The following APBA2 variants were observed in gnomAD, a reference collection of about 807,000 sequenced individuals.
APBA2 encodes amyloid beta precursor protein binding family A member 2, also known as amyloid-beta A4 precursor protein-binding family A member 2.
Under a neutral mutation model 75.0 loss-of-function variants are expected in APBA2, and 30 were observed. The ratio of observed to expected loss-of-function variants is 0.40; its 90% confidence interval spans 0.30 to 0.54. APBA2 has a LOEUF of 0.54. Among genes scored for constraint, APBA2 ranks in the 20% least tolerant of loss-of-function variants. The pLI is 0.49. For synonymous variants in APBA2, 444 were observed against 409.6 expected, an observed-to-expected ratio of 1.08 and a Z score of -1.01; for missense variants, 801 against 1,016.1, an observed-to-expected ratio of 0.79 and a Z score of 2.88.
At chr15:29,030,578 T>A (rs1426905250) in intron 3 of APBA2, among the ~76,000 whole-genome samples, 1 of 152,192 alleles carries the variant, frequency 6.6e-6, no homozygotes, top group African/African-American at 2.4e-5. Context: ...TGGGAGGCAA[T>A]GAATTGATAA....
intron 2 of APBA2, among the ~76,000 whole-genome samples, chr15:28,949,818 A>G (rs2035754221): frequency 6.6e-6 from 1 of 152,156 alleles, no homozygotes; most frequent in African/African-American, 2.4e-5. Flanking sequence ...TTAAAGTTAT[A>G]AAAAAGTTGC....
chr15:29,012,408 G>T (rs758598082), intron 3 of APBA2, among the ~76,000 whole-genome samples: 1 of 152,126 alleles, frequency 6.6e-6, no homozygotes, highest in African/African-American at 2.4e-5. Context: ...TGGGGCAGAA[G>T]ATCCCATCTG....
intron 3 of APBA2, among the ~76,000 whole-genome samples, chr15:29,009,494 G>A (rs986394371): frequency 1.3e-5 from 2 of 152,062 alleles, no homozygotes; most frequent in African/African-American, 4.8e-5. Context: ...ACACATCCAT[G>A]AAACTACCAT....
chr15:29,043,399 G>T (rs1033877612), intron 3 of APBA2, among the ~76,000 whole-genome samples: 10 of 152,114 alleles, frequency 6.6e-5, no homozygotes, highest in African/African-American at 2.4e-4. Context: ...CCTTCCCACC[G>T]CAGAAATGTC....
chr15:28,893,931 C>T (rs1468133946), intron 1 of APBA2: 2 of 152,224 alleles, frequency 1.3e-5, no homozygotes, highest in African/African-American at 4.8e-5. Flanking sequence ...ATTTGATACA[C>T]CTAGAGGCAG....
chr15:29,076,045 T>A lies in APBA2; in HGVS notation c.1033-10T>A. ...TGTTATGTGTTTTATTTTTCCATATTTCCTAACAGACAAAGAAGGTGGCAT... is the reference window on the plus strand; with the variant it reads ...TGTTATGTGTTTTATTTTTCCATATATCCTAACAGACAAAGAAGGTGGCAT... On this transcript the variant is annotated splice_polypyrimidine_tract_variant and intron_variant, in intron 5 of 14. Coordinates refer to ENST00000683413, the MANE Select transcript of APBA2 (RefSeq NM_001353788.2). 6.2e-7 allele frequency: 1 copy of A among 1,613,934 alleles called. No homozygotes were observed. Among genetic ancestry groups the A allele is most frequent in the South Asian group, 1.1e-5 (1 of 91,076 alleles).
chr15:29,028,496 AT>A (rs2040335635), intron 3 of APBA2, among the ~76,000 whole-genome samples: 1 of 152,210 alleles, frequency 6.6e-6, no homozygotes, highest in African/African-American at 2.4e-5. Flanking sequence ...TAACAGAATG[AT>A]TTATTTTCCT....
chr15:28,902,375 A>G (rs150386952), intron 1 of APBA2, among the ~76,000 whole-genome samples: 1,694 of 152,244 alleles, frequency 0.011, 43 homozygotes, highest in African/African-American at 0.039. Flanking sequence ...TACCTTGCCA[A>G]TGCTCTTCAA....
Position 29,008,083 on chromosome 15 carries a change from G to T in APBA2, c.-41+12277G>T, listed in dbSNP as rs570853990. Among the ~76,000 whole-genome samples, 8 of 152,296 alleles carry T rather than the reference G, an allele frequency of 5.3e-5. No individual in the cohort carries two copies. The South Asian group carries it at 1.7e-3, about 32-fold the overall frequency. Reference sequence around the variant, plus strand: ...GAAATTCTGACACATGCTATAACATGGATGAACCTTGAACCTTGAGGTCAT... The same window carrying T: ...GAAATTCTGACACATGCTATAACATTGATGAACCTTGAACCTTGAGGTCAT... On this transcript the variant is annotated intron_variant, in intron 3 of 14. Transcript: ENST00000683413.
intron 3 of APBA2, among the ~76,000 whole-genome samples, chr15:29,023,516 C>T (rs146559689): frequency 0.015 from 1,769 of 119,474 alleles, 44 homozygotes; most frequent in African/African-American, 0.055. Context: ...AGTGTAGTGG[C>T]GCGATCTTGG....
At chr15:29,089,701 G>C (rs1490330353) in intron 6 of APBA2, among the ~76,000 whole-genome samples, 1 of 152,188 alleles carries the variant, frequency 6.6e-6, no homozygotes. Flanking sequence ...GTTTCAAACA[G>C]AGGCTTCCTC....
At chr15:28,987,212 A>G (rs1231895373) in intron 2 of APBA2, among the ~76,000 whole-genome samples, 1 of 152,256 alleles carries the variant, frequency 6.6e-6, no homozygotes, top group African/African-American at 2.4e-5. Context: ...TGCTAAAGGT[A>G]GAGAATACTA....
At chr15:28,964,347 A>G (rs1162335635) in intron 2 of APBA2, among the ~76,000 whole-genome samples, 3 of 152,004 alleles carry the variant, frequency 2.0e-5, no homozygotes, top group African/African-American at 7.3e-5. Context: ...TATTTTAGCT[A>G]TTCTCATAGG....
At chr15:28,921,474 C>CTTGGAG (rs1391758600) in intron 1 of APBA2, among the ~76,000 whole-genome samples, 166 bp from the exon 2 acceptor site, 1 of 152,176 alleles carries the variant, frequency 6.6e-6, no homozygotes, top group Non-Finnish European at 1.5e-5. Flanking sequence ...TCTGGAGAGC[C>CTTGGAG]TTGGAGTTCC....
intron 3 of APBA2, among the ~76,000 whole-genome samples, chr15:29,013,234 G>A (rs16954991): frequency 0.079 from 11,602 of 147,752 alleles, 636 homozygotes; most frequent in East Asian, 0.16. Context: ...ACTATCCTGA[G>A]TAACGAAGAT....
rs114240882 is a variant in APBA2 at position 28,996,934 on chromosome 15, A to C, written c.-41+1128A>C. On this transcript the variant is annotated intron_variant, in intron 3 of 14. Transcript: ENST00000683413. Reference sequence around the variant, plus strand: ...GAAGACCAGCAGGGGTGAGGACGGGATTCTGGAGTGTCAAGACTCAGGTTC... The same window carrying C: ...GAAGACCAGCAGGGGTGAGGACGGGCTTCTGGAGTGTCAAGACTCAGGTTC... 8.2e-3 allele frequency among the ~76,000 whole-genome samples: 1,253 copies of C among 152,318 alleles called. 19 individuals are homozygous for C. The highest frequency in any genetic ancestry group is 0.029 in the African/African-American group (1,212 of 41,568).
Position 28,940,779 on chromosome 15 carries a change from G to A in APBA2, c.-95+19030G>A, listed in dbSNP as rs575590349. Among the ~76,000 whole-genome samples, 20 of 152,254 alleles carry A rather than the reference G, an allele frequency of 1.3e-4. No homozygotes were observed. In the East Asian group the frequency reaches 3.1e-3, roughly 24 times the overall value. ...AAATGGTTGATACCGGGTTGGGGGC[G>A]GGAAATGTACAAGTTGAACCTAAAT... is the stretch of plus-strand genomic sequence containing the variant. On this transcript the variant is annotated intron_variant, in intron 2 of 14. Transcript: ENST00000683413.
Position 28,886,082 on chromosome 15 carries a change from G to A in APBA2, c.-401G>A, listed in dbSNP as rs1250106654. The A allele has an allele frequency of 1.3e-5, 2 of 149,242 alleles. No homozygotes were observed. The highest frequency in any genetic ancestry group is 3.0e-5 in the Non-Finnish European group (2 of 67,002). 9.2% of individuals were successfully genotyped at this position (149,242 alleles called of 1,614,324 possible). On this transcript the variant is annotated 5_prime_UTR_variant, in exon 1 of 15. Transcript: ENST00000683413. ...GCAGCCGCGCCGCGTGCGCCCGGCAGAGGCGGCCCTGCGTGCCGTACGCTG... is the reference window on the plus strand; with the variant it reads ...GCAGCCGCGCCGCGTGCGCCCGGCAAAGGCGGCCCTGCGTGCCGTACGCTG...
intron 4 of APBA2, among the ~76,000 whole-genome samples, chr15:29,059,213 A>ATG (rs1491174672): frequency 4.0e-5 from 6 of 150,796 alleles, no homozygotes; most frequent in African/African-American, 1.5e-4. Flanking sequence ...ATTTTTGTTG[A>ATG]TATGTGTGTG....
Sources: allele counts gnomAD v4.1 joint callset (sites outside exome capture counted in the v4.1 genomes callset), GRCh38; gene constraint gnomAD v4.1.1; transcripts MANE v1.5; gene names NCBI Gene and HGNC (gene_info 2026-07-23, HGNC 2026-07-21).